PBX3: variants seen among roughly 807,000 people sequenced by gnomAD.
The protein encoded by PBX3 is pre-B-cell leukemia transcription factor 3.
PBX3 carries 14 observed loss-of-function variants against 48.5 expected under a neutral mutation model. The observed-to-expected ratio is 0.29, with a 90% confidence interval of 0.19 to 0.45. The LOEUF (loss-of-function observed/expected upper bound fraction) is 0.45, where lower values mean the gene tolerates loss of function less well. Among genes scored for constraint, PBX3 ranks in the 20% least tolerant of loss-of-function variants. The pLI, the probability that PBX3 is intolerant of heterozygous loss-of-function variation, is 1.00. For synonymous variants in PBX3, 210 were observed against 200.3 expected (o/e 1.05, Z -0.41); for missense variants, 386 against 546.7 (o/e 0.71, Z 2.93).
intron 2 of PBX3, among the ~76,000 whole-genome samples, chr9:125,801,651 T>C (rs1251483331): frequency 7.5e-6 from 1 of 133,756 alleles, no homozygotes; most frequent in African/African-American, 2.5e-5. Flanking sequence ...TCGTGTGATA[T>C]GTTTTTTCAC....
rs557091226 is a variant in PBX3, at chr9:125,808,958, G to A, written c.274+60335G>A. Among the ~76,000 whole-genome samples, 9 of 152,192 alleles carry A rather than the reference G, an allele frequency of 5.9e-5. No individual in the cohort carries two copies. In the South Asian group the frequency reaches 6.2e-4, roughly 11 times the overall value. ...CACATCACAGCCTTCTTGTCCTTAG[G>A]AACACCAGACAGCACTTACCGCTGT... On this transcript the variant is annotated intron_variant, in intron 2 of 8. Coordinates refer to ENST00000373489, the MANE Select transcript of PBX3 (RefSeq NM_006195.6).
intron 4 of PBX3, 43 bp downstream of exon 4, chr9:125,929,888 G>A: frequency 7.1e-7 from 1 of 1,410,388 alleles, no homozygotes; most frequent in South Asian, 1.2e-5. Flanking sequence ...TCCCCCGTCT[G>A]TCACTCCTTG....
chr9:125,890,386 T>G (rs913237157), intron 2 of PBX3, among the ~76,000 whole-genome samples: 2 of 152,232 alleles, frequency 1.3e-5, no homozygotes, highest in African/African-American at 4.8e-5. Context: ...GAGACTGAAT[T>G]CCAAAGGGAA....
intron 5 of PBX3, among the ~76,000 whole-genome samples, chr9:125,959,575 C>G (rs1842383240): frequency 6.6e-6 from 1 of 152,110 alleles, no homozygotes; most frequent in African/African-American, 2.4e-5. Context: ...CAGAGATGGT[C>G]AAAAAGGGTG....
chr9:125,796,565 A>G (rs1177026306), intron 2 of PBX3, among the ~76,000 whole-genome samples: 1 of 152,124 alleles, frequency 6.6e-6, no homozygotes, highest in African/African-American at 2.4e-5. Flanking sequence ...GAAAAGAGAT[A>G]TATTGTCTGC....
chr9:125,871,380 C>CAAA (rs34035290), intron 2 of PBX3, among the ~76,000 whole-genome samples: 10 of 127,568 alleles, frequency 7.8e-5, no homozygotes, highest in Admixed American at 6.3e-4. Flanking sequence ...GACTCCGTCT[C>CAAA]AAAAAAAAAA....
intron 2 of PBX3, among the ~76,000 whole-genome samples, chr9:125,801,377 C>T (rs1242276097): frequency 1.3e-5 from 2 of 152,132 alleles, no homozygotes; most frequent in East Asian, 1.9e-4. Flanking sequence ...ATAAACGTGT[C>T]ATTCTTATAT....
At position 125,879,076 on chromosome 9, in the gene PBX3, T is replaced by G. The variant is rs1411796442; in HGVS notation, c.275-36610T>G. The stretch of plus-strand genomic sequence containing the variant: ...TGTTGCTTTTACAAAGACATGCTAT[T>G]CTTTTTTTTTTTTTTTTTTGAGATG... On this transcript the variant is annotated intron_variant, in intron 2 of 8. Transcript: ENST00000373489. 4.4e-5 allele frequency among the ~76,000 whole-genome samples: 5 copies of G among 114,940 alleles called. No individual in the cohort carries two copies. The South Asian group carries it at 1.8e-3, about 41-fold the overall frequency. The allele number at this position is 114,940 out of a possible 152,430, so 75.4% of individuals were successfully genotyped here.
Position 125,791,348 on chromosome 9 carries a change from TCTGTCA to T in PBX3, c.274+42726_274+42731del, listed in dbSNP as rs1433333886. ...CTATCTATCTATCTATCTATCTATC[TCTGTCA>T]ATCATCTGTCATCTATCTATCTGTC... On this transcript the variant is annotated intron_variant, in intron 2 of 8. Transcript: ENST00000373489. Among the ~76,000 whole-genome samples, 210 of 151,532 alleles carry T rather than the reference TCTGTCA, an allele frequency of 1.4e-3. 1 individual carries two copies. The highest frequency in any genetic ancestry group is 5.0e-3 in the African/African-American group (203 of 40,968).
At chr9:125,781,535 A>AGGGAGAGGGGAGAGGGGAGAG (rs1169626264) in intron 2 of PBX3, among the ~76,000 whole-genome samples, 10 of 70,808 alleles carry the variant, frequency 1.4e-4, no homozygotes, top group Non-Finnish European at 1.6e-4. Context: ...GGTGACCGAG[A>AGGGAGAGGGGAGAGGGGAGAG]GGGAGAGGGG....
intron 2 of PBX3, among the ~76,000 whole-genome samples, chr9:125,872,289 A>C (rs972934576): frequency 2.0e-5 from 3 of 152,316 alleles, no homozygotes; most frequent in African/African-American, 7.2e-5. Flanking sequence ...GCAAGAGAAA[A>C]AGTAAAGATT....
intron 2 of PBX3, among the ~76,000 whole-genome samples, chr9:125,893,138 G>C (rs1840690063): frequency 6.6e-6 from 1 of 152,128 alleles, no homozygotes. Flanking sequence ...TGTAGTTCTT[G>C]TTAACAAGCT....
At chr9:125,919,359 A>ATTTTTTTTTTTTTTTTTT (rs34891465) in intron 3 of PBX3, among the ~76,000 whole-genome samples, 11 of 102,758 alleles carry the variant, frequency 1.1e-4, no homozygotes, top group Non-Finnish European at 1.1e-4. Flanking sequence ...TGCCCGTCTA[A>ATTTTTTTTTTTTTTTTTT]TTTTTTTTTT....
intron 2 of PBX3, among the ~76,000 whole-genome samples, chr9:125,793,249 T>C (rs1187449108): frequency 6.7e-6 from 1 of 149,432 alleles, no homozygotes; most frequent in Non-Finnish European, 1.5e-5. Context: ...CTACTCGGGA[T>C]GCTGAGGCGG....
intron 2 of PBX3, among the ~76,000 whole-genome samples, chr9:125,854,882 T>A (rs1324373031): frequency 6.6e-6 from 1 of 152,240 alleles, no homozygotes; most frequent in Admixed American, 6.5e-5. Context: ...ACTGGACTTT[T>A]CTGAGATTTG....
chr9:125,910,189 A>G (rs1331949047), intron 2 of PBX3, among the ~76,000 whole-genome samples: 1 of 152,194 alleles, frequency 6.6e-6, no homozygotes, highest in East Asian at 1.9e-4. Context: ...GGGCTGTTTT[A>G]GGAAGGTAGA....
intron 2 of PBX3, among the ~76,000 whole-genome samples, chr9:125,902,936 C>A (rs911584249): frequency 6.6e-6 from 1 of 151,680 alleles, no homozygotes; most frequent in African/African-American, 2.4e-5. Context: ...TTTTATTATT[C>A]TTTTTCTTTC....
chr9:125,818,638 C>A (rs780106615), intron 2 of PBX3, among the ~76,000 whole-genome samples: 8 of 150,156 alleles, frequency 5.3e-5, no homozygotes, highest in Non-Finnish European at 1.2e-4. Flanking sequence ...CATGAGCCAC[C>A]ACACCTGGCA....
chr9:125,808,416 C>T (rs1208085541), intron 2 of PBX3, among the ~76,000 whole-genome samples: 4 of 152,150 alleles, frequency 2.6e-5, no homozygotes, highest in Non-Finnish European at 5.9e-5. Context: ...TGGCCCACCC[C>T]TGTAATCCCA....
Sources: allele counts gnomAD v4.1 joint callset (sites outside exome capture counted in the v4.1 genomes callset), GRCh38; gene constraint gnomAD v4.1.1; transcripts MANE v1.5; gene names NCBI Gene and HGNC (gene_info 2026-07-23, HGNC 2026-07-21).